CENPW: variants seen among roughly 807,000 people sequenced by gnomAD.
The protein encoded by CENPW is cancer-up-regulated gene 2 protein.
In CENPW, 3 loss-of-function variants were observed where a neutral mutation model predicts 11.1. The observed-to-expected ratio is 0.27, with a 90% CI of 0.12 to 0.70. The LOEUF (loss-of-function observed/expected upper bound fraction) is 0.70. CENPW is among the 30% of genes least tolerant of loss of function. The probability of loss-of-function intolerance (pLI) is 0.77; values close to 1 mark genes in which losing one functional copy is unlikely to be tolerated. For missense variants in CENPW, 100 were observed against 105.6 expected (o/e 0.95, Z 0.23); for synonymous variants, 38 against 42.0 (o/e 0.91, Z 0.37).
the CENPW span, among the ~76,000 whole-genome samples, chr6:126,380,841 A>C: frequency 6.6e-6 from 1 of 152,194 alleles, no homozygotes; most frequent in Non-Finnish European, 1.5e-5. Context: ...AATAACAATG[A>C]CATAGGAACC....
At chr6:126,468,335 G>A in the CENPW span, among the ~76,000 whole-genome samples, 1,487 of 140,342 alleles carry the variant, frequency 0.011, 19 homozygotes, top group African/African-American at 0.037. Context: ...CCGGAGAATC[G>A]CTTGAACCCA....
the CENPW span, among the ~76,000 whole-genome samples, chr6:126,441,025 C>G: frequency 6.6e-6 from 1 of 151,438 alleles, no homozygotes; most frequent in Non-Finnish European, 1.5e-5. Context: ...AGACTAATGT[C>G]ACACTTCTCA....
At chr6:126,407,751 G>T in the CENPW span, among the ~76,000 whole-genome samples, 1 of 152,022 alleles carries the variant, frequency 6.6e-6, no homozygotes, top group South Asian at 2.1e-4. Flanking sequence ...GTCTGTTCAC[G>T]TCCTTTGCCC....
chr6:126,462,571 TA>T, the CENPW span, among the ~76,000 whole-genome samples: 1 of 147,670 alleles, frequency 6.8e-6, no homozygotes, highest in African/African-American at 2.5e-5. Flanking sequence ...CATCTTCTCT[TA>T]CTCTCTTTCT....
At chr6:126,475,693 G>C in the CENPW span, among the ~76,000 whole-genome samples, 1 of 151,966 alleles carries the variant, frequency 6.6e-6, no homozygotes, top group Non-Finnish European at 1.5e-5. Flanking sequence ...AAATGTGGAT[G>C]ATGAAAACTA....
At chr6:126,346,090 C>A in intron 1 of CENPW, 115 bp from the exon 2 acceptor site, 1 of 507,622 alleles carries the variant, frequency 2.0e-6, no homozygotes, top group Non-Finnish European at 3.5e-6. Flanking sequence ...AGTTAATTTA[C>A]TTAATCACAA....
chr6:126,393,873 TTA>T, the CENPW span, among the ~76,000 whole-genome samples: 9 of 151,666 alleles, frequency 5.9e-5, no homozygotes, highest in Non-Finnish European at 3.0e-5. Context: ...TCCTTTATCA[TTA>T]TATAATGACA....
chr6:126,404,631 T>C, the CENPW span, among the ~76,000 whole-genome samples: 1 of 152,096 alleles, frequency 6.6e-6, no homozygotes, highest in African/African-American at 2.4e-5. Flanking sequence ...CCACCAACAG[T>C]GTATGAGTCC....
the CENPW span, among the ~76,000 whole-genome samples, chr6:126,402,422 G>A: frequency 6.6e-6 from 1 of 150,686 alleles, no homozygotes; most frequent in Non-Finnish European, 1.5e-5. Context: ...TCACATTATT[G>A]TACAATAATC....
the CENPW span, among the ~76,000 whole-genome samples, chr6:126,433,046 T>A: frequency 6.6e-6 from 1 of 152,228 alleles, no homozygotes; most frequent in Admixed American, 6.5e-5. Context: ...GCCTGCTCAG[T>A]GGAGGCCTGT....
At chr6:126,437,576 G>A in the CENPW span, among the ~76,000 whole-genome samples, 1 of 151,824 alleles carries the variant, frequency 6.6e-6, no homozygotes, top group Admixed American at 6.6e-5. Flanking sequence ...GTCTACAAAT[G>A]GAAATAAGTT....
At chr6:126,438,331 C>G in the CENPW span, among the ~76,000 whole-genome samples, 1 of 151,600 alleles carries the variant, frequency 6.6e-6, no homozygotes, top group Non-Finnish European at 1.5e-5. Context: ...AAAAATGTAG[C>G]TGAATGATAT....
At chr6:126,381,709 C>A in the CENPW span, among the ~76,000 whole-genome samples, 3 of 152,186 alleles carry the variant, frequency 2.0e-5, no homozygotes. Context: ...CCCACTGTCA[C>A]TGCCCTATGA....
In CENPW at chr6:126,340,371, T is replaced by A. The variant is rs1780278276; in HGVS notation, c.98T>A (p.Leu33His). 1 of 1,614,164 alleles carries A rather than the reference T, an allele frequency of 6.2e-7. No individual in the cohort carries two copies. Among genetic ancestry groups the A allele is most frequent in the Non-Finnish European group, 8.5e-7 (1 of 1,180,024 alleles). Reference sequence around the variant, plus strand: ...GTCTTCAAGCGAAAGAAGCCTCAACTTCGTCTGGAGAAAAGTGGTGACTTA... The same window carrying A: ...GTCTTCAAGCGAAAGAAGCCTCAACATCGTCTGGAGAAAAGTGGTGACTTA... ...KRVFKRKKPQLRLEKSGDLLV... is the reference protein window; with the variant it reads ...KRVFKRKKPQHRLEKSGDLLV... The change falls in exon 1 of 3, where the codon CTT becomes CAT. Residue 33 changes from leucine to histidine, a missense_variant. Coordinates refer to ENST00000368328, the MANE Select transcript of CENPW (RefSeq NM_001012507.4).
chr6:126,385,301 G>A, the CENPW span, among the ~76,000 whole-genome samples: 1 of 152,150 alleles, frequency 6.6e-6, no homozygotes, highest in East Asian at 1.9e-4. Flanking sequence ...GAAGGCATGT[G>A]CACACATATG....
At chr6:126,439,695 A>C in the CENPW span, among the ~76,000 whole-genome samples, 2 of 151,678 alleles carry the variant, frequency 1.3e-5, no homozygotes, top group Non-Finnish European at 3.0e-5. Context: ...AAAGCTAAAA[A>C]ACTTTGAAAT....
At chr6:126,378,742 G>T in the CENPW span, among the ~76,000 whole-genome samples, 1 of 152,122 alleles carries the variant, frequency 6.6e-6, no homozygotes, top group Non-Finnish European at 1.5e-5. Flanking sequence ...ATAGAATGCA[G>T]AATGTCAGAC....
the CENPW span, among the ~76,000 whole-genome samples, chr6:126,385,122 A>T: frequency 6.6e-6 from 1 of 152,176 alleles, no homozygotes; most frequent in South Asian, 2.1e-4. Flanking sequence ...GGTGCTGGCA[A>T]GGTTGCAAAG....
the CENPW span, among the ~76,000 whole-genome samples, chr6:126,415,426 T>A: frequency 7.0e-4 from 106 of 152,224 alleles, 1 homozygote; most frequent in African/African-American, 2.5e-3. Flanking sequence ...AAATTAAATA[T>A]ATCATTAAAT....
Sources: allele counts gnomAD v4.1 joint callset (sites outside exome capture counted in the v4.1 genomes callset), GRCh38; gene constraint gnomAD v4.1.1; transcripts MANE v1.5; gene names NCBI Gene and HGNC (gene_info 2026-07-23, HGNC 2026-07-21).